Variants in MYLK3 observed in about 807,000 individuals in gnomAD.
MYLK3 encodes the protein myosin light chain kinase 3, also known as MLC kinase.
In MYLK3, 55 loss-of-function variants were observed where a neutral mutation model predicts 76.3. The ratio of observed to expected loss-of-function variants is 0.72; its 90% CI spans 0.58 to 0.90. The LOEUF (loss-of-function observed/expected upper bound fraction) is 0.90. MYLK3 is among the 40% of genes least tolerant of loss of function. The pLI is 0.00. For synonymous variants in MYLK3, 416 were observed against 425.4 expected (o/e 0.98, Z 0.27); for missense variants, 973 against 1,053.6 (o/e 0.92, Z 1.06).
At chr16:46,711,175 C>T (rs988348314) in intron 10 of MYLK3, among the ~76,000 whole-genome samples, 2 of 152,084 alleles carry the variant, frequency 1.3e-5, no homozygotes, top group Non-Finnish European at 2.9e-5. Flanking sequence ...TAGATGCTAC[C>T]CAGGCCCCAA....
chr16:46,737,896 A>G lies in MYLK3; in HGVS notation c.816T>C (p.Asn272=), dbSNP rs55889699. 1,524 of 1,614,098 alleles carry G rather than the reference A, an allele frequency of 9.4e-4. 1 individual carries two copies. The highest frequency in any genetic ancestry group is 1.2e-3 in the Non-Finnish European group (1,415 of 1,179,996). The change falls in exon 3 of 13, where the codon AAT becomes AAC. Residue 272 remains asparagine (N), a synonymous_variant. Transcript: ENST00000394809. ...LELAPAPGRV[N]VVSPSLEVAP... ...CAACCTCCAGGCTCGGGGAGACCAC[A>G]TTGACCCTGCCGGGTGCTGGAGCCA...
chr16:46,710,508 G>A, intron 11 of MYLK3, 129 bp downstream of exon 11: 1 of 1,049,916 alleles, frequency 9.5e-7, no homozygotes, highest in South Asian at 1.5e-5. Flanking sequence ...CAAAGAAGTA[G>A]CAAACTAAGA....
intron 9 of MYLK3, among the ~76,000 whole-genome samples, chr16:46,714,145 T>C (rs1196460877): frequency 6.6e-6 from 1 of 151,760 alleles, no homozygotes; most frequent in East Asian, 1.9e-4. Flanking sequence ...AGAAAAAGAG[T>C]CTCTAGCTAA....
At chr16:46,727,934 G>C in intron 7 of MYLK3, among the ~76,000 whole-genome samples, 1 of 152,182 alleles carries the variant, frequency 6.6e-6, no homozygotes, top group East Asian at 1.9e-4. Flanking sequence ...GGCCATCAGT[G>C]TTGATGATCC....
rs759741431 is a variant in MYLK3, at chr16:46,732,653, T to C, written c.1017A>G (p.Ile339Met). 1 of 1,522,826 alleles carries C rather than the reference T, an allele frequency of 6.6e-7. No individual in the cohort carries two copies. Among genetic ancestry groups the C allele is most frequent in the African/African-American group, 1.4e-5 (1 of 72,646 alleles). The allele number at this position is 1,522,826 out of a possible 1,614,324, so 94.3% of individuals were successfully genotyped here. ...TCTCCCCAGGAGTATCCATCTCTTGTATGTGGATGGAGATCCTGGGGTGGA... is the reference window on the plus strand; with the variant it reads ...TCTCCCCAGGAGTATCCATCTCTTGCATGTGGATGGAGATCCTGGGGTGGA... ...GETPPRISIH[I>M]QEMDTPGEML... The change falls in exon 4 of 13, where the codon ATA becomes ATG. Residue 339 changes from isoleucine to methionine, a missense_variant. Physicochemically the swap from Ile to Met is conservative, Grantham distance 10 (BLOSUM62 1). Around this residue, in one of 2 missense-constraint regions of MYLK3, gnomAD observed 641 missense variants for 637.0 expected, o/e 1.01. Coordinates refer to ENST00000394809, the MANE Select transcript of MYLK3 (RefSeq NM_182493.3).
At chr16:46,758,332 TCTCTCTCTCTC>T (rs1348654413) in intron 1 of MYLK3, among the ~76,000 whole-genome samples, 6 of 144,632 alleles carry the variant, frequency 4.1e-5, no homozygotes, top group East Asian at 2.0e-4. Context: ...TCTCTCTCTC[TCTCTCTCTCTC>T]AACTTTGGGA....
At chr16:46,720,325 A>G (rs1171751572) in intron 9 of MYLK3, among the ~76,000 whole-genome samples, 2 of 152,154 alleles carry the variant, frequency 1.3e-5, no homozygotes, top group Admixed American at 6.5e-5. Context: ...TCAGCCTCCC[A>G]AGTAGCTGAG....
intron 4 of MYLK3, among the ~76,000 whole-genome samples, chr16:46,731,966 G>A (rs1966853330): frequency 6.6e-6 from 1 of 152,036 alleles, no homozygotes; most frequent in African/African-American, 2.4e-5. Flanking sequence ...AAAAGGAAAT[G>A]TACCCAGGTG....
Position 46,732,192 on chromosome 16 carries a change from C to A in MYLK3, c.1462+16G>T. ...CCCTCAGGGCTCGTGTCTAGCCAGG[C>A]AACAGCCCCACTTACCCAGAACCAC... On this transcript the variant is annotated intron_variant, in intron 4 of 12. Coordinates refer to ENST00000394809, the MANE Select transcript of MYLK3 (RefSeq NM_182493.3). The A allele has an allele frequency of 6.4e-7, 1 of 1,557,506 alleles. No homozygotes were observed. Among genetic ancestry groups the A allele is most frequent in the South Asian group, 1.2e-5 (1 of 84,952 alleles).
chr16:46,750,118 C>T (rs540675087), upstream of MYLK3, among the ~76,000 whole-genome samples: 1 of 152,228 alleles, frequency 6.6e-6, no homozygotes, highest in Non-Finnish European at 1.5e-5. Flanking sequence ...AAGACTCCCC[C>T]ACCCGACCAG....
rs1361073439 is a variant in MYLK3, at chr16:46,704,622, T to A, written c.*3082A>T. On this transcript the variant is annotated 3_prime_UTR_variant, in exon 13 of 13. Transcript: ENST00000394809. The stretch of plus-strand genomic sequence containing the variant: ...TATGTTGATTACATATTGAAATATT[T>A]TTGATACACTAAGTTATATAAATTA... 6.6e-6 allele frequency: 1 copy of A among 152,182 alleles called. No homozygotes were observed. The highest frequency in any genetic ancestry group is 1.5e-5 in the Non-Finnish European group (1 of 68,028). 9.4% of individuals were successfully genotyped at this position (152,182 alleles called of 1,614,324 possible).
intron 9 of MYLK3, among the ~76,000 whole-genome samples, chr16:46,713,868 T>C (rs1464693407): frequency 1.3e-5 from 2 of 152,234 alleles, no homozygotes; most frequent in African/African-American, 2.4e-5. Context: ...CCTAACATAA[T>C]GCCCTACAGG....
intron 6 of MYLK3, 151 bp from the exon 7 acceptor site, chr16:46,729,284 T>A (rs1289526652): frequency 1.5e-6 from 1 of 672,268 alleles, no homozygotes; most frequent in Non-Finnish European, 2.6e-6. Context: ...CAAACCAGAT[T>A]CTACAACACA....
rs1966601085 is a variant in MYLK3, at chr16:46,703,936, A to C, written c.*3768T>G. ...TTCTAATTTTATTTAATTTTAATAC[A>C]TGTAAAAGTGGATACTTCAGTTATT... On this transcript the variant is annotated 3_prime_UTR_variant, in exon 13 of 13. Transcript: ENST00000394809. 6.5e-6 allele frequency: 1 copy of C among 153,788 alleles called. No individual in the cohort carries two copies. The highest frequency in any genetic ancestry group is 1.5e-5 in the Non-Finnish European group (1 of 68,054). 9.5% of individuals were successfully genotyped at this position (153,788 alleles called of 1,614,324 possible). A position where few individuals can be genotyped will look rare whatever the true frequency, so the allele number is the denominator to read the frequency against.
intron 1 of MYLK3, among the ~76,000 whole-genome samples, chr16:46,756,008 A>G (rs568766795): frequency 6.7e-6 from 1 of 149,924 alleles, no homozygotes; most frequent in Non-Finnish European, 1.5e-5. Context: ...CCCGGGTTCA[A>G]GCAATTCTCC....
chr16:46,709,847 C>A (rs562430420), intron 11 of MYLK3, among the ~76,000 whole-genome samples, 176 bp from the exon 12 acceptor site: 3 of 152,140 alleles, frequency 2.0e-5, no homozygotes, highest in African/African-American at 7.2e-5. Flanking sequence ...CTTCAAAGTG[C>A]CAGAAGGTCG....
intron 7 of MYLK3, among the ~76,000 whole-genome samples, chr16:46,727,708 A>G (rs1173437140): frequency 6.6e-6 from 1 of 152,078 alleles, no homozygotes; most frequent in Admixed American, 6.5e-5. Context: ...TGTATTTTTA[A>G]TAGAGACAGG....
In MYLK3 at chr16:46,727,286, C is replaced by T. The variant is rs770495897; in HGVS notation, c.1864G>A (p.Glu622Lys). Reference protein sequence around the residue: ...DVVLFTRQICEGVHYLHQHYI... With the variant: ...DVVLFTRQICKGVHYLHQHYI... ...TGCTGGTGCAGGTAATGCACACCCT[C>T]ACAGATCTGCCTGGTGAACAGGACC... is the stretch of plus-strand genomic sequence containing the variant. Residue 622 changes from glutamate to lysine, a missense_variant, in exon 8 of 13, where the codon GAG (glutamate) becomes AAG (lysine). Coordinates refer to ENST00000394809, the MANE Select transcript of MYLK3 (RefSeq NM_182493.3). 47 of 1,614,062 alleles carry T rather than the reference C, an allele frequency of 2.9e-5. No individual in the cohort carries two copies. Among genetic ancestry groups the T allele is most frequent in the Non-Finnish European group, 3.7e-5 (44 of 1,180,002 alleles).
In MYLK3 at chr16:46,738,107, T is replaced by A; in HGVS notation, c.605A>T (p.Glu202Val). Residue 202 changes from glutamate (E) to valine (V), a missense_variant, in exon 3 of 13, where the codon GAG becomes GTG. By Grantham distance (121) the Glu-to-Val change is moderately radical (BLOSUM62 -2). Transcript: ENST00000394809. ...TGACGCTCTGATGGGGGGCAGCCTC[T>A]CCGCTGTCCCCTCCAGCACGTCCGC... Reference protein sequence around the residue: ...QKADVLEGTAERLPPIRASGL... With the variant: ...QKADVLEGTAVRLPPIRASGL... The A allele has an allele frequency of 6.3e-7, 1 of 1,575,320 alleles. No homozygotes were observed. Among genetic ancestry groups the A allele is most frequent in the Admixed American group, 1.7e-5 (1 of 57,428 alleles).
Sources: allele counts gnomAD v4.1 joint callset (sites outside exome capture counted in the v4.1 genomes callset), GRCh38; gene constraint gnomAD v4.1.1; regional missense constraint gnomAD v4.1.1; transcripts MANE v1.5; gene names NCBI Gene and HGNC (gene_info 2026-07-23, HGNC 2026-07-21).